Variants in TATDN3 observed in about 807,000 individuals in gnomAD.
The protein encoded by TATDN3 is deoxyribonuclease TATDN3.
In TATDN3, 29 loss-of-function variants were observed where a neutral mutation model predicts 40.1. The ratio of observed to expected loss-of-function variants is 0.72; its 90% CI spans 0.54 to 0.99. The LOEUF (loss-of-function observed/expected upper bound fraction) is 0.99. Ranked by LOEUF, TATDN3 falls within the 50% of genes least tolerant of loss-of-function variation. TATDN3 has a pLI of 0.00. For synonymous variants in TATDN3, 105 were observed against 117.0 expected (o/e 0.90, Z 0.66); for missense variants, 309 against 321.9 (o/e 0.96, Z 0.31).
At chr1:212,805,660 GT>G (rs1662418395) in intron 7 of TATDN3, among the ~76,000 whole-genome samples, 1 of 152,136 alleles carries the variant, frequency 6.6e-6, no homozygotes, top group Non-Finnish European at 1.5e-5. Flanking sequence ...GTTTTTTTAT[GT>G]TTTATAGCTG....
intron 6 of TATDN3, 69 bp downstream of exon 6, chr1:212,804,498 A>G: frequency 1.3e-6 from 2 of 1,539,158 alleles, no homozygotes; most frequent in East Asian, 2.3e-5. Context: ...TTCTCCTGAA[A>G]TGGAACTCTA....
At chr1:212,813,566 CTTTTTTT>C (rs202183479) in intron 9 of TATDN3, among the ~76,000 whole-genome samples, 1 of 130,968 alleles carries the variant, frequency 7.6e-6, no homozygotes, top group Non-Finnish European at 1.6e-5. Context: ...TCTTTCTTTT[CTTTTTTT>C]TTTTTTTTTT....
At position 212,806,765 on chromosome 1, in the gene TATDN3, T is replaced by C. The variant is rs1367213724; in HGVS notation, c.488-971T>C. ...CTCTCTCCATATATATATATATATA[T>C]ATATATATATATATATATACACACA... On this transcript the variant is annotated intron_variant, in intron 7 of 9. Coordinates refer to ENST00000366974, the MANE Select transcript of TATDN3 (RefSeq NM_001042552.3). 1.0e-3 allele frequency among the ~76,000 whole-genome samples: 119 copies of C among 114,262 alleles called. 11 individuals are homozygous for C. Among genetic ancestry groups the C allele is most frequent in the African/African-American group, 3.4e-3 (109 of 32,186 alleles). The allele number at this position is 114,262 out of a possible 152,430, so 75.0% of individuals were successfully genotyped here.
intron 7 of TATDN3, among the ~76,000 whole-genome samples, chr1:212,805,931 T>TACACAC (rs148773666): frequency 1.3e-5 from 2 of 151,786 alleles, no homozygotes; most frequent in Admixed American, 6.6e-5. Flanking sequence ...GTGTGCTACA[T>TACACAC]ACACACATAC....
intron 4 of TATDN3, among the ~76,000 whole-genome samples, chr1:212,798,207 T>G (rs1176976046): frequency 2.0e-5 from 3 of 151,766 alleles, no homozygotes; most frequent in Admixed American, 6.6e-5. Flanking sequence ...GCACCTGTAG[T>G]CCCAGCTACT....
Position 212,807,769 on chromosome 1 carries a change from G to C in TATDN3, c.521G>C (p.Gly174Ala). ...AEKVLLHAFD[G>A]RPSVAMEGVR... Reference sequence around the variant, plus strand: ...AAGGTACTGCTGCATGCATTTGATGGTCGGCCATCTGTAGCCATGGAAGGA... The same window carrying C: ...AAGGTACTGCTGCATGCATTTGATGCTCGGCCATCTGTAGCCATGGAAGGA... The change falls in exon 8 of 10, where the codon GGT becomes GCT. Residue 174 changes from glycine to alanine, a missense_variant. Transcript: ENST00000366974. 1 of 1,613,606 alleles carries C rather than the reference G, an allele frequency of 6.2e-7. No individual in the cohort carries two copies. Among genetic ancestry groups the C allele is most frequent in the Non-Finnish European group, 8.5e-7 (1 of 1,179,862 alleles).
At chr1:212,803,225 C>A (rs1662269063) in intron 5 of TATDN3, among the ~76,000 whole-genome samples, 1 of 151,178 alleles carries the variant, frequency 6.6e-6, no homozygotes, top group African/African-American at 2.4e-5. Context: ...TGGTACAATC[C>A]CAGCTGGAGT....
At chr1:212,801,192 TA>T (rs958230773) in intron 4 of TATDN3, among the ~76,000 whole-genome samples, 17 of 146,132 alleles carry the variant, frequency 1.2e-4, no homozygotes, top group African/African-American at 3.3e-4. Flanking sequence ...ACCCTATCTT[TA>T]AAAAAAAAAC....
intron 1 of TATDN3, chr1:212,794,567 G>A (rs1661605441): frequency 2.9e-6 from 1 of 341,246 alleles, no homozygotes; most frequent in African/African-American, 2.1e-5. Flanking sequence ...CTACAGCTGG[G>A]AGACAAGAGT....
intron 8 of TATDN3, among the ~76,000 whole-genome samples, chr1:212,809,695 AAAAG>A (rs1662748764): frequency 6.7e-6 from 1 of 150,096 alleles, no homozygotes; most frequent in Non-Finnish European, 1.5e-5. Context: ...AAAAAAAAAA[AAAAG>A]AAAAAAGAAA....
rs1662712957 is a variant in TATDN3, at chr1:212,809,167, G to A, written c.600+1319G>A. ...CCATTCATGTGAAATGTCCAGGTGA[G>A]GCAGATCTATAAACACAATATAGAT... On this transcript the variant is annotated intron_variant, in intron 8 of 9. Transcript: ENST00000366974. 1.3e-5 allele frequency among the ~76,000 whole-genome samples: 2 copies of A among 152,166 alleles called. 1 individual carries two copies. The highest frequency in any genetic ancestry group is 4.1e-4 in the South Asian group (2 of 4,830).
At chr1:212,814,990 TG>T (rs1415275112) in intron 9 of TATDN3, 22 bp from the exon 10 acceptor site, 1 of 1,601,994 alleles carries the variant, frequency 6.2e-7, no homozygotes, top group Non-Finnish European at 8.5e-7. Flanking sequence ...ATGTTTGACA[TG>T]GTGTCTGCTG....
At chr1:212,796,966 C>T in intron 3 of TATDN3, 146 bp from the exon 4 acceptor site, 1 of 610,762 alleles carries the variant, frequency 1.6e-6, no homozygotes, top group Non-Finnish European at 2.9e-6. Context: ...AAACTCCTGG[C>T]CTTAAGTGAT....
At chr1:212,807,048 A>G (rs1374528945) in intron 7 of TATDN3, among the ~76,000 whole-genome samples, 3 of 150,100 alleles carry the variant, frequency 2.0e-5, no homozygotes, top group Non-Finnish European at 3.0e-5. Flanking sequence ...GGTTCAAGTG[A>G]CTCTCCTGCC....
chr1:212,803,072 C>A (rs1662260321), intron 5 of TATDN3, among the ~76,000 whole-genome samples: 1 of 151,276 alleles, frequency 6.6e-6, no homozygotes, highest in Non-Finnish European at 1.5e-5. Flanking sequence ...ATCTATAATT[C>A]TTCATAAGTA....
chr1:212,797,081 C>T (rs374102163), intron 3 of TATDN3, 31 bp from the exon 4 acceptor site: 112 of 1,542,912 alleles, frequency 7.3e-5, no homozygotes, highest in Non-Finnish European at 9.9e-5. Flanking sequence ...GTCTACTGTT[C>T]CTGCTTTCTC....
chr1:212,792,117 G>A lies in TATDN3; in HGVS notation c.66+130G>A, dbSNP rs1273525963. 1.5e-5 allele frequency: 13 copies of A among 886,152 alleles called. No homozygotes were observed. The East Asian group carries it at 3.2e-4, about 22-fold the overall frequency. The allele number at this position is 886,152 out of a possible 1,614,324, so 54.9% of individuals were successfully genotyped here. Reference sequence around the variant, plus strand: ...CCCAGACCCTTGTTTATGGCCATATGACCTTGCCCCTCATTTCCCTATTCC... The same window carrying A: ...CCCAGACCCTTGTTTATGGCCATATAACCTTGCCCCTCATTTCCCTATTCC... On this transcript the variant is annotated intron_variant, in intron 1 of 9. Transcript: ENST00000366974.
At chr1:212,812,758 T>C (rs1402408437) in intron 9 of TATDN3, among the ~76,000 whole-genome samples, 1 of 152,220 alleles carries the variant, frequency 6.6e-6, no homozygotes. Flanking sequence ...ATCCCAGCAC[T>C]CTGGGAGGCC....
At chr1:212,798,359 T>A (rs1424986514) in intron 4 of TATDN3, among the ~76,000 whole-genome samples, 1 of 151,044 alleles carries the variant, frequency 6.6e-6, no homozygotes, top group Non-Finnish European at 1.5e-5. Flanking sequence ...GTATCTCTCT[T>A]CCTATATTAA....
Sources: gnomAD v4.1 joint callset for allele counts (sites outside exome capture counted in the v4.1 genomes callset) on GRCh38, gnomAD v4.1.1 for gene constraint, MANE v1.5 for transcripts, NCBI Gene and HGNC (gene_info 2026-07-23, HGNC 2026-07-21) for gene names.